Variants in CEMIP observed in about 807,000 individuals in gnomAD.
The protein encoded by CEMIP is cell migration inducing hyaluronidase 1, also known as cell migration-inducing and hyaluronan-binding protein.
In CEMIP, 105 loss-of-function variants were observed where a neutral mutation model predicts 156.9. The observed-to-expected ratio is 0.67, with a 90% confidence interval of 0.57 to 0.79. CEMIP has a LOEUF of 0.79. Ranked by LOEUF, CEMIP falls within the 30% of genes least tolerant of loss-of-function variation. The pLI, the probability that CEMIP is intolerant of heterozygous loss-of-function variation, is 0.00. For synonymous variants in CEMIP, 676 were observed against 668.4 expected, an observed-to-expected ratio of 1.01 and a Z score of -0.17; for missense variants, 1,457 against 1,769.4, an observed-to-expected ratio of 0.82 and a Z score of 3.17.
intron 10 of CEMIP, among the ~76,000 whole-genome samples, chr15:80,891,037 A>C (rs932861516): frequency 6.6e-6 from 1 of 152,222 alleles, no homozygotes; most frequent in Non-Finnish European, 1.5e-5. Context: ...ATTTTCTCTC[A>C]TAACCTTGAA....
intron 1 of CEMIP, among the ~76,000 whole-genome samples, chr15:80,840,442 C>T (rs1272263072): frequency 1.3e-5 from 2 of 152,024 alleles, no homozygotes; most frequent in East Asian, 1.9e-4. Flanking sequence ...TTCTCCTTGG[C>T]GCTGCCTCCA....
In CEMIP at chr15:80,878,780, C is replaced by A. The variant is rs1898551266; in HGVS notation, c.154C>A (p.Gln52Lys). The change falls in exon 4 of 30, where the codon CAA becomes AAA. Residue 52 changes from glutamine to lysine, a missense_variant. Around this residue, in one of 5 missense-constraint regions of CEMIP, gnomAD observed 309 missense variants for 340.8 expected, o/e 0.91. Coordinates refer to ENST00000394685, the MANE Select transcript of CEMIP (RefSeq NM_001293298.2). ...GCAACCCTGGAACCCTGGCCATGAC[C>A]AAGACCACCATGTGCATATCGGCCA... ...ELQPWNPGHD[Q>K]DHHVHIGQGK... 6.2e-7 allele frequency: 1 copy of A among 1,614,036 alleles called. No homozygotes were observed. Among genetic ancestry groups the A allele is most frequent in the South Asian group, 1.1e-5 (1 of 91,088 alleles).
chr15:80,887,875 A>G, intron 8 of CEMIP, 111 bp downstream of exon 8: 1 of 920,932 alleles, frequency 1.1e-6, no homozygotes, highest in Non-Finnish European at 1.7e-6. Context: ...CCCAGCTCCC[A>G]ATGTCTAGAT....
chr15:80,874,364 T>G (rs1898400805), intron 3 of CEMIP, among the ~76,000 whole-genome samples: 2 of 152,216 alleles, frequency 1.3e-5, no homozygotes, highest in African/African-American at 4.8e-5. Context: ...TTGCAGGATC[T>G]GAATTTTTAA....
At chr15:80,796,465 G>T (rs28629347) in intron 1 of CEMIP, among the ~76,000 whole-genome samples, 59,569 of 151,724 alleles carry the variant, frequency 0.39, 12,727 homozygotes, top group African/African-American at 0.57. Flanking sequence ...TTCGAAAGGA[G>T]ACTGCCAGGA....
chr15:80,836,575 C>G (rs1474174238), intron 1 of CEMIP, among the ~76,000 whole-genome samples: 1 of 150,054 alleles, frequency 6.7e-6, no homozygotes, highest in East Asian at 2.0e-4. Flanking sequence ...TTCCTTTTGC[C>G]ATAGCGTCCA....
chr15:80,916,407 C>T (rs761345528), intron 14 of CEMIP, among the ~76,000 whole-genome samples: 7 of 152,104 alleles, frequency 4.6e-5, no homozygotes, highest in South Asian at 2.1e-4. Flanking sequence ...TCACGACTGC[C>T]GACCATCAGC....
chr15:80,837,815 G>A (rs1897299315), intron 1 of CEMIP, among the ~76,000 whole-genome samples: 1 of 152,180 alleles, frequency 6.6e-6, no homozygotes, highest in African/African-American at 2.4e-5. Flanking sequence ...TATAGACATG[G>A]GCAGTTGCTA....
chr15:80,928,690 A>G (rs1466335797), intron 19 of CEMIP, among the ~76,000 whole-genome samples: 1 of 152,166 alleles, frequency 6.6e-6, no homozygotes, highest in East Asian at 1.9e-4. Flanking sequence ...CTTTCTCTCT[A>G]GAGTCAGAGT....
chr15:80,934,561 A>G (rs1387040243), intron 23 of CEMIP, among the ~76,000 whole-genome samples: 1 of 152,230 alleles, frequency 6.6e-6, no homozygotes, highest in Non-Finnish European at 1.5e-5. Context: ...TGAAGGAAAC[A>G]TGTATGAATA....
At position 80,925,889 on chromosome 15, in the gene CEMIP, C is replaced by T. The variant is rs1210047839; in HGVS notation, c.2420+134C>T. ...GACGTTTGGCCTTCTGGTCCCCCAG[C>T]CAGGCAGGGGCATAGAATGGCAGCA... is the stretch of plus-strand genomic sequence containing the variant. On this transcript the variant is annotated intron_variant, in intron 19 of 29. Transcript: ENST00000394685. 3.8e-6 allele frequency: 5 copies of T among 1,324,620 alleles called. No individual in the cohort carries two copies. In the Admixed American group the frequency reaches 1.0e-4, roughly 27 times the overall value. The allele number at this position is 1,324,620 out of a possible 1,614,324, so 82.1% of individuals were successfully genotyped here. A position where few individuals can be genotyped will look rare whatever the true frequency, so the allele number is the denominator to read the frequency against.
chr15:80,861,818 C>T (rs1471242552), intron 1 of CEMIP, among the ~76,000 whole-genome samples: 1 of 152,246 alleles, frequency 6.6e-6, no homozygotes, highest in East Asian at 1.9e-4. Flanking sequence ...GTACAGTGCA[C>T]ACAACCAGCT....
At chr15:80,907,267 G>C (rs1163227332) in intron 13 of CEMIP, among the ~76,000 whole-genome samples, 2 of 152,210 alleles carry the variant, frequency 1.3e-5, no homozygotes, top group East Asian at 1.9e-4. Context: ...AGAGGAACTA[G>C]AAGTCACAGC....
chr15:80,850,464 C>T (rs758559455), intron 1 of CEMIP, among the ~76,000 whole-genome samples: 1 of 151,956 alleles, frequency 6.6e-6, no homozygotes, highest in East Asian at 1.9e-4. Flanking sequence ...TTTTTAGTAG[C>T]GATAGGGTTT....
intron 16 of CEMIP, 151 bp downstream of exon 16, chr15:80,921,252 C>G: frequency 1.3e-6 from 1 of 776,568 alleles, no homozygotes; most frequent in South Asian, 1.5e-5. Context: ...AGGAAAACGA[C>G]AGACTGGGGG....
intron 1 of CEMIP, among the ~76,000 whole-genome samples, chr15:80,836,659 C>CTTACCTCCTGGGTTTTCTGCCTCT (rs1897277506): frequency 6.6e-6 from 1 of 151,966 alleles, no homozygotes; most frequent in Admixed American, 6.5e-5. Context: ...TTTCTGCCTC[C>CTTACCTCCTGGGTTTTCTGCCTCT]TTACCTCCTG....
chr15:80,882,429 C>T (rs913399519), intron 6 of CEMIP, among the ~76,000 whole-genome samples: 17 of 152,170 alleles, frequency 1.1e-4, no homozygotes, highest in African/African-American at 3.9e-4. Context: ...GTGCCTGTAT[C>T]GCCTCCACGG....
intron 1 of CEMIP, among the ~76,000 whole-genome samples, chr15:80,833,199 C>G (rs962858971): frequency 1.3e-5 from 2 of 152,068 alleles, no homozygotes; most frequent in African/African-American, 4.8e-5. Flanking sequence ...ACCAACATGC[C>G]AATCTCTCAC....
intron 25 of CEMIP, among the ~76,000 whole-genome samples, chr15:80,939,838 C>G (rs968755969): frequency 1.3e-5 from 2 of 152,236 alleles, no homozygotes. Context: ...GAGCACCTGC[C>G]TTTAGCAGCT....
Sources: gnomAD v4.1 joint callset for allele counts (sites outside exome capture counted in the v4.1 genomes callset) on GRCh38, gnomAD v4.1.1 for gene constraint, gnomAD v4.1.1 regional missense constraint, MANE v1.5 for transcripts, NCBI Gene and HGNC (gene_info 2026-07-23, HGNC 2026-07-21) for gene names.